DCDC1: variants seen among roughly 807,000 people sequenced by gnomAD.
DCDC1 encodes doublecortin domain containing 1.
Under a neutral mutation model 178.3 loss-of-function variants are expected in DCDC1, and 200 were observed. That is an observed-to-expected ratio of 1.12 (90% confidence interval 1.00 to 1.26). The LOEUF (loss-of-function observed/expected upper bound fraction) is 1.26, where lower values mean the gene tolerates loss of function less well. DCDC1 is among the 50% of genes most tolerant of loss of function. The pLI, the probability that DCDC1 is intolerant of heterozygous loss-of-function variation, is 0.00. For missense variants in DCDC1, 1,983 were observed against 1,749.2 expected, an observed-to-expected ratio of 1.13 and a Z score of -2.38; for synonymous variants, 690 against 604.8, an observed-to-expected ratio of 1.14 and a Z score of -2.07.
intron 9 of DCDC1, among the ~76,000 whole-genome samples, chr11:31,199,622 T>G (rs1340284971): frequency 1.3e-5 from 2 of 152,096 alleles, no homozygotes; most frequent in African/African-American, 4.8e-5. Flanking sequence ...CTTACAAGAA[T>G]TTCACTCTGC....
intron 8 of DCDC1, among the ~76,000 whole-genome samples, chr11:31,258,958 G>T (rs1944596769): frequency 1.3e-5 from 2 of 152,150 alleles, no homozygotes. Flanking sequence ...AAGATGTTTG[G>T]AATTCTTTAA....
At chr11:30,867,034 G>A (rs1340836359) in intron 38 of DCDC1, among the ~76,000 whole-genome samples, 1 of 152,124 alleles carries the variant, frequency 6.6e-6, no homozygotes, top group Non-Finnish European at 1.5e-5. Context: ...CCAGAAATGT[G>A]AGAAATAGAT....
At chr11:31,000,746 T>C (rs1431632201) in intron 20 of DCDC1, among the ~76,000 whole-genome samples, 12 of 152,060 alleles carry the variant, frequency 7.9e-5, no homozygotes, top group Admixed American at 7.9e-4. Context: ...AAAAAGCATG[T>C]CCAGGACTGA....
At chr11:31,294,801 A>AGAAAGAAAGAAG (rs1491156862) in intron 6 of DCDC1, among the ~76,000 whole-genome samples, 38 of 9,904 alleles carry the variant, frequency 3.8e-3, no homozygotes, top group Non-Finnish European at 5.8e-3. Context: ...ATAAAGAAAA[A>AGAAAGAAAGAAG]GAAAGAAAGA....
chr11:30,892,961 T>C lies in DCDC1; in HGVS notation c.4939A>G (p.Ile1647Val). 6.2e-7 allele frequency: 1 copy of C among 1,613,924 alleles called. No individual in the cohort carries two copies. The highest frequency in any genetic ancestry group is 1.1e-5 in the South Asian group (1 of 91,070). Reference protein sequence around the residue: ...LSEIQEMESKINFPIATKRIA... With the variant: ...LSEIQEMESKVNFPIATKRIA... ...CGTTTGGTTGCAATTGGAAAATTTA[T>C]TTTGGATTCCATTTCTTGGATTTCA... The change falls in exon 36 of 39, where the codon ATA (isoleucine) becomes GTA (valine). Residue 1647 changes from isoleucine (I) to valine (V), a missense_variant. Physicochemically the swap from Ile to Val is conservative, Grantham distance 29. Transcript: ENST00000684477.
chr11:31,062,768 A>G (rs1440719870), intron 20 of DCDC1, among the ~76,000 whole-genome samples: 1 of 151,842 alleles, frequency 6.6e-6, no homozygotes, highest in Non-Finnish European at 1.5e-5. Flanking sequence ...AATATAAAAT[A>G]GCTTTTTTTT....
chr11:30,892,656 C>T (rs759817535), intron 36 of DCDC1, among the ~76,000 whole-genome samples, 162 bp downstream of exon 36: 1 of 152,154 alleles, frequency 6.6e-6, no homozygotes, highest in Non-Finnish European at 1.5e-5. Context: ...CATATAAGTT[C>T]ATTCAATCAT....
intron 20 of DCDC1, among the ~76,000 whole-genome samples, chr11:30,984,320 A>G (rs918103520): frequency 2.6e-5 from 4 of 152,198 alleles, no homozygotes; most frequent in African/African-American, 9.6e-5. Flanking sequence ...TATGCCACTC[A>G]GCACTATATT....
rs1943888833 is a variant in DCDC1, at chr11:31,250,298, A to G, written c.1055-8682T>C. On this transcript the variant is annotated intron_variant, in intron 8 of 38. Transcript: ENST00000684477. ...AATTATATTACTTAGTATCCAAAAC[A>G]AGGCAAAAAAAAATTATGAGTGGAT... 3.2e-5 allele frequency among the ~76,000 whole-genome samples: 4 copies of G among 126,216 alleles called. No homozygotes were observed. The South Asian group carries it at 1.2e-3, about 36-fold the overall frequency. The allele number at this position is 126,216 out of a possible 152,430, so 82.8% of individuals were successfully genotyped here. A position where few individuals can be genotyped will look rare whatever the true frequency, so the allele number is the denominator to read the frequency against.
chr11:31,152,709 A>G (rs974567228), intron 9 of DCDC1, among the ~76,000 whole-genome samples: 3 of 151,878 alleles, frequency 2.0e-5, no homozygotes, highest in African/African-American at 4.8e-5. Flanking sequence ...GTGTGCTTAC[A>G]CCTCCACTCT....
intron 11 of DCDC1, among the ~76,000 whole-genome samples, chr11:31,112,512 T>C (rs910971308): frequency 3.2e-4 from 49 of 152,090 alleles, no homozygotes; most frequent in Non-Finnish European, 1.0e-4. Context: ...CACCTCCCTA[T>C]AGCTCTAAAA....
chr11:30,995,531 G>A (rs558186026), intron 20 of DCDC1, among the ~76,000 whole-genome samples: 5 of 152,232 alleles, frequency 3.3e-5, no homozygotes, highest in South Asian at 2.1e-4. Context: ...CATGATCAAC[G>A]TAGTGTGGTA....
At chr11:31,280,661 C>A (rs1946358346) in intron 7 of DCDC1, 1 of 504,688 alleles carries the variant, frequency 2.0e-6, no homozygotes. Flanking sequence ...AAGGCAGTGG[C>A]AAATTATTAC....
intron 9 of DCDC1, among the ~76,000 whole-genome samples, chr11:31,213,239 G>A (rs1042789679): frequency 2.0e-5 from 3 of 147,760 alleles, no homozygotes; most frequent in South Asian, 2.1e-4. Flanking sequence ...CCCCAGTCTG[G>A]TTGGATATTT....
At chr11:31,016,524 T>C (rs975014645) in intron 20 of DCDC1, among the ~76,000 whole-genome samples, 1 of 152,182 alleles carries the variant, frequency 6.6e-6, no homozygotes, top group Non-Finnish European at 1.5e-5. Context: ...AAACTGAAGA[T>C]GTATTAACTG....
chr11:30,963,023 T>C (rs1353745427), intron 20 of DCDC1, among the ~76,000 whole-genome samples: 2 of 152,112 alleles, frequency 1.3e-5, no homozygotes, highest in Non-Finnish European at 2.9e-5. Flanking sequence ...TCATCACCTA[T>C]CTGGGCTTGA....
intron 23 of DCDC1, among the ~76,000 whole-genome samples, chr11:30,923,300 T>G (rs976329309): frequency 6.6e-6 from 1 of 152,020 alleles, no homozygotes; most frequent in Non-Finnish European, 1.5e-5. Context: ...CAGAAAACAT[T>G]TAATGACCCC....
chr11:31,229,497 A>T (rs1228660009), intron 9 of DCDC1, among the ~76,000 whole-genome samples: 1 of 152,212 alleles, frequency 6.6e-6, no homozygotes, highest in East Asian at 1.9e-4. Flanking sequence ...CTATATTAAC[A>T]GTAAAAATAT....
In DCDC1 at chr11:31,329,313, A is replaced by G. The variant is rs565331592; in HGVS notation, c.-6-1027T>C. ...GAATCCCTGAGACCAGCTATTTAAA[A>G]AAACCACCTCTTTAGTTTCCTACGT... On this transcript the variant is annotated intron_variant, in intron 2 of 38. Coordinates refer to ENST00000684477, the MANE Select transcript of DCDC1 (RefSeq NM_001387274.1). Among the ~76,000 whole-genome samples, 18 of 152,272 alleles carry G rather than the reference A, an allele frequency of 1.2e-4. No individual in the cohort carries two copies. The East Asian group carries it at 3.3e-3, about 28-fold the overall frequency.
Sources: allele counts gnomAD v4.1 joint callset (sites outside exome capture counted in the v4.1 genomes callset), GRCh38; gene constraint gnomAD v4.1.1; transcripts MANE v1.5; gene names NCBI Gene and HGNC (gene_info 2026-07-23, HGNC 2026-07-21).